The following FRYL variants were observed in gnomAD, a reference collection of about 807,000 sequenced individuals.
FRYL encodes protein furry homolog-like.
In FRYL, 150 loss-of-function variants were observed where a neutral mutation model predicts 351.2. The observed-to-expected ratio is 0.43, with a 90% confidence interval of 0.37 to 0.49. FRYL has a LOEUF of 0.49. FRYL is among the 20% of genes least tolerant of loss of function. The probability of loss-of-function intolerance (pLI) is 0.00; values close to 1 mark genes in which losing one functional copy is unlikely to be tolerated. For missense variants in FRYL, 3,036 were observed against 3,619.3 expected (o/e 0.84, Z 4.13); for synonymous variants, 1,153 against 1,257.1 (o/e 0.92, Z 1.75).
At chr4:48,688,902 G>C (rs1234440297) in intron 2 of FRYL, among the ~76,000 whole-genome samples, 1 of 151,976 alleles carries the variant, frequency 6.6e-6, no homozygotes, top group East Asian at 1.9e-4. Context: ...GACCTCAAGT[G>C]ATCCACCCAC....
At chr4:48,686,538 T>A (rs1433767260) in intron 2 of FRYL, among the ~76,000 whole-genome samples, 1 of 152,216 alleles carries the variant, frequency 6.6e-6, no homozygotes, top group African/African-American at 2.4e-5. Flanking sequence ...ACAAATAGCA[T>A]GCCATGTCTT....
At chr4:48,683,083 G>A (rs914509313) in intron 3 of FRYL, among the ~76,000 whole-genome samples, 3 of 152,160 alleles carry the variant, frequency 2.0e-5, no homozygotes, top group African/African-American at 7.2e-5. Flanking sequence ...AGAATACTAT[G>A]CAGCCATAAA....
chr4:48,762,606 C>G (rs538266264), intron 1 of FRYL, among the ~76,000 whole-genome samples: 1 of 152,276 alleles, frequency 6.6e-6, no homozygotes, highest in South Asian at 2.1e-4. Flanking sequence ...TCTAAAGGAG[C>G]CATTTTTAAT....
chr4:48,672,318 C>A (rs1762882397), intron 3 of FRYL, among the ~76,000 whole-genome samples: 1 of 152,202 alleles, frequency 6.6e-6, no homozygotes, highest in Non-Finnish European at 1.5e-5. Context: ...CCTGGCCCCC[C>A]ATCATGACTG....
At position 48,755,152 on chromosome 4, in the gene FRYL, C is replaced by T. The variant is rs372759823; in HGVS notation, c.-384+24926G>A. Among the ~76,000 whole-genome samples the T allele has an allele frequency of 1.3e-4, 20 of 152,196 alleles. No individual in the cohort carries two copies. The South Asian group carries it at 3.1e-3, about 24-fold the overall frequency. ...TTGAGTTTATTAATTAAAATATTGA[C>T]GTTGTTTATATTCAGTCACATCTCC... On this transcript the variant is annotated intron_variant, in intron 1 of 63. Transcript: ENST00000358350.
intron 1 of FRYL, among the ~76,000 whole-genome samples, chr4:48,762,888 A>G (rs564244544): frequency 6.6e-6 from 1 of 152,314 alleles, no homozygotes; most frequent in South Asian, 2.1e-4. Context: ...CAACAAAAAT[A>G]TATCAAAATA....
intron 2 of FRYL, among the ~76,000 whole-genome samples, chr4:48,699,828 T>C (rs1240292269): frequency 2.6e-5 from 4 of 152,204 alleles, no homozygotes; most frequent in Non-Finnish European, 5.9e-5. Flanking sequence ...ATCTGAATTG[T>C]ATCTTTTGAA....
chr4:48,581,977 C>A (rs1325716796), intron 20 of FRYL, among the ~76,000 whole-genome samples: 1 of 152,184 alleles, frequency 6.6e-6, no homozygotes, highest in East Asian at 1.9e-4. Context: ...TCCTGAAACT[C>A]TTTCTTAGGG....
chr4:48,600,826 A>G (rs1444661393), intron 13 of FRYL, among the ~76,000 whole-genome samples: 1 of 152,174 alleles, frequency 6.6e-6, no homozygotes, highest in Non-Finnish European at 1.5e-5. Flanking sequence ...ATTAAATAAA[A>G]TTTATTTCCT....
At position 48,544,982 on chromosome 4, in the gene FRYL, C is replaced by T. The variant is rs1231050987; in HGVS notation, c.5280-78G>A. The T allele has an allele frequency of 1.7e-5, 24 of 1,423,612 alleles. No individual in the cohort carries two copies. The East Asian group carries it at 3.9e-4, about 23-fold the overall frequency. 88.2% of individuals were successfully genotyped at this position (1,423,612 alleles called of 1,614,324 possible). On this transcript the variant is annotated intron_variant, in intron 42 of 63. Coordinates refer to ENST00000358350, the MANE Select transcript of FRYL (RefSeq NM_015030.2). ...GTTGTACTCACACTTGCCTAAATTA[C>T]ACCTTTACAATTAGAAAGGATGGTA...
chr4:48,522,123 T>TA (rs976475911), intron 54 of FRYL, among the ~76,000 whole-genome samples: 2 of 151,998 alleles, frequency 1.3e-5, no homozygotes, highest in African/African-American at 2.4e-5. Flanking sequence ...ACAAAAAATT[T>TA]AAAAAAATTA....
Position 48,528,245 on chromosome 4 carries a change from G to C in FRYL, c.6995C>G (p.Ser2332Cys). 6.2e-7 allele frequency: 1 copy of C among 1,612,680 alleles called. No homozygotes were observed. The highest frequency in any genetic ancestry group is 8.5e-7 in the Non-Finnish European group (1 of 1,178,840). ...PKVIAVTRST[S>C]STSSGSNSNA... ...AGAATTAGAACCAGAAGAAGTTGAGGAAGTACTTCTAGTGACAGCAATAAC... is the reference window on the plus strand; with the variant it reads ...AGAATTAGAACCAGAAGAAGTTGAGCAAGTACTTCTAGTGACAGCAATAAC... The change falls in exon 51 of 64, where the codon TCC becomes TGC. Residue 2332 changes from serine to cysteine, a missense_variant. By Grantham distance (112) the Ser-to-Cys change is moderately radical (BLOSUM62 -1). Transcript: ENST00000358350.
intron 1 of FRYL, among the ~76,000 whole-genome samples, chr4:48,772,679 CAAAAAAAAAAAA>C (rs33926702): frequency 1.6e-4 from 8 of 50,268 alleles, no homozygotes; most frequent in Admixed American, 3.2e-4. Context: ...AGAGACCTAC[CAAAAAAAAAAAA>C]AAAAAAAAAA....
chr4:48,617,418 A>T (rs1219509717), intron 7 of FRYL, among the ~76,000 whole-genome samples: 1 of 150,852 alleles, frequency 6.6e-6, no homozygotes, highest in Non-Finnish European at 1.5e-5. Context: ...GTGCAGTCAT[A>T]GCTAACTGTA....
intron 47 of FRYL, among the ~76,000 whole-genome samples, chr4:48,536,780 A>G (rs549779760): frequency 3.9e-5 from 6 of 152,342 alleles, no homozygotes; most frequent in Non-Finnish European, 7.3e-5. Context: ...AGCATTTGGT[A>G]AAGAAACTGT....
rs200583988 is a variant in FRYL at position 48,557,533 on chromosome 4, G to A, written c.4045C>T (p.Arg1349Cys). Residue 1349 changes from arginine to cysteine, a missense_variant, in exon 34 of 64, where the codon CGC (arginine) becomes TGC (cysteine). Arg to Cys is a radical substitution (Grantham distance 180). This residue lies in a region of FRYL where 1,987 missense variants were observed against 2,311.7 expected (regional missense o/e 0.86). Transcript: ENST00000358350. ...KDRELMVTSR[R>C]WLRGEGWGSP... ...CCCCATCCTTCTCCCCGTAACCAGC[G>A]CCTACTAGTCACCATAAGTTCTCGG... 5.6e-6 allele frequency: 9 copies of A among 1,613,914 alleles called. No individual in the cohort carries two copies. The highest frequency in any genetic ancestry group is 3.3e-5 in the South Asian group (3 of 91,072).
chr4:48,551,461 T>C, intron 37 of FRYL, 33 bp downstream of exon 37: 2 of 1,220,002 alleles, frequency 1.6e-6, no homozygotes, highest in East Asian at 2.5e-5. Context: ...TCTGTCAAAC[T>C]GAAAGGCTAA....
intron 48 of FRYL, 123 bp downstream of exon 48, chr4:48,535,534 G>C: frequency 2.2e-6 from 1 of 461,758 alleles, no homozygotes; most frequent in Non-Finnish European, 3.6e-6. Context: ...AAATCAACTT[G>C]ATAAGGTGCC....
At chr4:48,613,030 G>A (rs545493258) in intron 7 of FRYL, among the ~76,000 whole-genome samples, 4 of 152,300 alleles carry the variant, frequency 2.6e-5, no homozygotes, top group African/African-American at 9.6e-5. Context: ...CTTGGGACCA[G>A]AAGTGTTTTG....
Sources: allele counts gnomAD v4.1 joint callset (sites outside exome capture counted in the v4.1 genomes callset), GRCh38; gene constraint gnomAD v4.1.1; regional missense constraint gnomAD v4.1.1; transcripts MANE v1.5; gene names NCBI Gene and HGNC (gene_info 2026-07-23, HGNC 2026-07-21).